Variants in TPCN1 observed in about 807,000 individuals in gnomAD.
TPCN1 encodes the protein two pore channel protein 1.
TPCN1 carries 52 observed loss-of-function variants against 108.8 expected under a neutral mutation model. The ratio of observed to expected loss-of-function variants is 0.48; its 90% CI spans 0.38 to 0.60. The LOEUF is 0.60. TPCN1 is among the 20% of genes least tolerant of loss of function. TPCN1 has a pLI of 0.00. For missense variants in TPCN1, 806 were observed against 1,072.8 expected (o/e 0.75, Z 3.47); for synonymous variants, 446 against 433.7 (o/e 1.03, Z -0.35).
intron 2 of TPCN1, among the ~76,000 whole-genome samples, chr12:113,248,322 A>G (rs555567735): frequency 1.3e-5 from 2 of 152,338 alleles, no homozygotes; most frequent in East Asian, 1.9e-4. Context: ...CCACTTACAC[A>G]TTGTGTACAA....
intron 2 of TPCN1, among the ~76,000 whole-genome samples, chr12:113,228,019 AT>A (rs1349061934): frequency 1.3e-5 from 2 of 151,940 alleles, no homozygotes; most frequent in African/African-American, 4.8e-5. Flanking sequence ...CATAAACTTG[AT>A]TTTTCCCCAA....
chr12:113,295,460 A>AAAT, intron 27 of TPCN1, among the ~76,000 whole-genome samples: 1 of 151,902 alleles, frequency 6.6e-6, no homozygotes, highest in East Asian at 1.9e-4. Context: ...AAAAAAAAAA[A>AAAT]AAAGGAAATG....
At chr12:113,243,946 A>C (rs1954247379) in intron 2 of TPCN1, among the ~76,000 whole-genome samples, 1 of 151,892 alleles carries the variant, frequency 6.6e-6, no homozygotes, top group Non-Finnish European at 1.5e-5. Flanking sequence ...CCCTGCCTAC[A>C]TTCTCCTCTG....
chr12:113,278,446 G>A lies in TPCN1; in HGVS notation c.1233+209G>A, dbSNP rs140269409. 7.2e-5 allele frequency among the ~76,000 whole-genome samples: 11 copies of A among 152,298 alleles called. No individual in the cohort carries two copies. In the East Asian group the frequency reaches 1.7e-3, roughly 24 times the overall value. ...ATACAGTGTCATCGTTAACAGCACC[G>A]AATCTTACTTAGACCCCATTGGTTA... On this transcript the variant is annotated intron_variant, in intron 13 of 27. Transcript: ENST00000335509.
Position 113,293,024 on chromosome 12 carries a change from C to T in TPCN1, c.2204C>T (p.Ser735Leu), listed in dbSNP as rs758186822. ...ELYREARGAS[S>L]DVTRLLETLS... is the part of the protein sequence containing the mutation. ...TACCGGGAGGCACGGGGGGCCTCCT[C>T]GGATGTCACCAGGCTGCTGGAGACC... is the stretch of plus-strand genomic sequence containing the variant. The change falls in exon 26 of 28, where the codon TCG (serine) becomes TTG (leucine). Residue 735 changes from serine (S) to leucine (L), a missense_variant. Physicochemically the swap from Ser to Leu is moderately radical, Grantham distance 145. Transcript: ENST00000335509. 27 of 1,613,100 alleles carry T rather than the reference C, an allele frequency of 1.7e-5. No homozygotes were observed. The highest frequency in any genetic ancestry group is 5.0e-5 in the Admixed American group (3 of 59,990).
chr12:113,284,894 A>G lies in TPCN1; in HGVS notation c.1453+123A>G. ...GAAGCTATAAAGAGACGGAGTAATC[A>G]GTCTGATTCCATCTCGTCCCCGTTT... is the stretch of plus-strand genomic sequence containing the variant. On this transcript the variant is annotated intron_variant, in intron 17 of 27. Coordinates refer to ENST00000335509, the MANE Select transcript of TPCN1 (RefSeq NM_017901.6). The surrounding 1 kb of genome is among the most constrained non-coding windows in gnomAD (Gnocchi z 4.1). 9.1e-7 allele frequency: 1 copy of G among 1,104,722 alleles called. No individual in the cohort carries two copies. The highest frequency in any genetic ancestry group is 1.4e-6 in the Non-Finnish European group (1 of 735,812). 68.4% of individuals were successfully genotyped at this position (1,104,722 alleles called of 1,614,324 possible). A position where few individuals can be genotyped will look rare whatever the true frequency, so the allele number is the denominator to read the frequency against.
At position 113,240,116 on chromosome 12, in the gene TPCN1, G is replaced by A. The variant is rs780777803; in HGVS notation, c.112+13152G>A. Among the ~76,000 whole-genome samples, 7 of 152,232 alleles carry A rather than the reference G, an allele frequency of 4.6e-5. No individual in the cohort carries two copies. In the Middle Eastern group the frequency reaches 0.01, roughly 222 times the overall value. ...ATTGCAGTTTTTACTGCACAGCCTCGAGCCAGTCTGGTAGCTTCAACAGGG... is the reference window on the plus strand; with the variant it reads ...ATTGCAGTTTTTACTGCACAGCCTCAAGCCAGTCTGGTAGCTTCAACAGGG... On this transcript the variant is annotated intron_variant, in intron 2 of 27. Transcript: ENST00000335509.
chr12:113,273,803 C>G lies in TPCN1; in HGVS notation c.942+135C>G. 3.8e-6 allele frequency: 3 copies of G among 798,572 alleles called. No homozygotes were observed. Among genetic ancestry groups the G allele is most frequent in the Non-Finnish European group, 2.2e-6 (1 of 460,394 alleles). 49.5% of individuals were successfully genotyped at this position (798,572 alleles called of 1,614,324 possible). A position where few individuals can be genotyped will look rare whatever the true frequency, so the allele number is the denominator to read the frequency against. ...ACGTTGGGGCAGGAAGTCCCAGATTCATAGTCAGGTGCGGTGTTGCAGGGA... is the reference window on the plus strand; with the variant it reads ...ACGTTGGGGCAGGAAGTCCCAGATTGATAGTCAGGTGCGGTGTTGCAGGGA... On this transcript the variant is annotated intron_variant, in intron 10 of 27. Coordinates refer to ENST00000335509, the MANE Select transcript of TPCN1 (RefSeq NM_017901.6). The surrounding 1 kb of genome is among the most constrained non-coding windows in gnomAD (Gnocchi z 4.0).
chr12:113,239,102 C>T (rs574554376), intron 2 of TPCN1, among the ~76,000 whole-genome samples: 12 of 152,110 alleles, frequency 7.9e-5, no homozygotes, highest in Non-Finnish European at 1.8e-4. Context: ...CTACTGCACT[C>T]GAGCCTGGGC....
chr12:113,239,545 C>T (rs528050208), intron 2 of TPCN1, among the ~76,000 whole-genome samples: 4 of 152,302 alleles, frequency 2.6e-5, no homozygotes, highest in South Asian at 2.1e-4. Flanking sequence ...AGTGAGTCAC[C>T]GGTTTCCAAA....
chr12:113,293,060 T>TGGA lies in TPCN1; in HGVS notation c.2242_2244dup (p.Glu748dup). Reference sequence around the variant, plus strand: ...AGGCTGCTGGAGACCCTCTCCCAGATGGAGAGATACCAGGTGAGGAGCCCA... The same window carrying TGGA: ...AGGCTGCTGGAGACCCTCTCCCAGATGGAGGAGAGATACCAGGTGAGGAGCCCA... On this transcript the variant is annotated inframe_insertion, in exon 26 of 28. Coordinates refer to ENST00000335509, the MANE Select transcript of TPCN1 (RefSeq NM_017901.6). 6.2e-7 allele frequency: 1 copy of TGGA among 1,612,284 alleles called. No homozygotes were observed. Among genetic ancestry groups the TGGA allele is most frequent in the South Asian group, 1.1e-5 (1 of 90,998 alleles).
chr12:113,290,058 C>G, intron 21 of TPCN1, 70 bp from the exon 22 acceptor site: 1 of 1,026,878 alleles, frequency 9.7e-7, no homozygotes, highest in Admixed American at 2.1e-5. Context: ...TTGTTTCAGA[C>G]TTCTGTCCTC....
chr12:113,279,377 A>ATT (rs1566189398), intron 14 of TPCN1, among the ~76,000 whole-genome samples: 1 of 29,426 alleles, frequency 3.4e-5, no homozygotes, highest in Non-Finnish European at 5.8e-5. Flanking sequence ...ATATATATAT[A>ATT]TATATATATA....
chr12:113,292,276 C>T (rs938600426), intron 25 of TPCN1: 1 of 355,022 alleles, frequency 2.8e-6, no homozygotes. Flanking sequence ...GAGGCTTCTC[C>T]TTCTTGGCTA....
intron 1 of TPCN1, chr12:113,225,371 T>A (rs1456137860): frequency 2.7e-6 from 1 of 368,358 alleles, no homozygotes; most frequent in Non-Finnish European, 5.4e-6. Context: ...TTTTTTTCTT[T>A]GAAGTCTTTA....
intron 2 of TPCN1, among the ~76,000 whole-genome samples, chr12:113,229,072 G>A (rs1001533710): frequency 3.3e-5 from 5 of 152,328 alleles, no homozygotes; most frequent in African/African-American, 7.2e-5. Flanking sequence ...ATCAGGCTTT[G>A]AATGTTGATG....
intron 15 of TPCN1, among the ~76,000 whole-genome samples, chr12:113,281,635 C>T (rs1056375794): frequency 6.6e-6 from 1 of 152,118 alleles, no homozygotes; most frequent in African/African-American, 2.4e-5. Flanking sequence ...ACCTCCCAGG[C>T]TCAATCCATC....
At position 113,284,482 on chromosome 12, in the gene TPCN1, G is replaced by A. The variant is rs1024579745; in HGVS notation, c.1343-99G>A. ...GGAGCAGCCCTGTTCTCCCCATCCC[G>A]TAGAGCTCCAGGAAGTTAACCAGGG... On this transcript the variant is annotated intron_variant, in intron 15 of 27. Coordinates refer to ENST00000335509, the MANE Select transcript of TPCN1 (RefSeq NM_017901.6). This position sits in a 1 kb window ranked among gnomAD's most constrained non-coding sequence, Gnocchi z 4.1. 42 of 1,376,480 alleles carry A rather than the reference G, an allele frequency of 3.1e-5. No individual in the cohort carries two copies. In the African/African-American group the frequency reaches 4.0e-4, roughly 13 times the overall value. 85.3% of individuals were successfully genotyped at this position (1,376,480 alleles called of 1,614,324 possible).
Position 113,288,583 on chromosome 12 carries a change from G to C in TPCN1, c.1707-175G>C. The C allele has an allele frequency of 6.8e-7, 1 of 1,473,496 alleles. No homozygotes were observed. Among genetic ancestry groups the C allele is most frequent in the Non-Finnish European group, 9.0e-7 (1 of 1,115,032 alleles). 91.3% of individuals were successfully genotyped at this position (1,473,496 alleles called of 1,614,324 possible). A position where few individuals can be genotyped will look rare whatever the true frequency, so the allele number is the denominator to read the frequency against. ...TGTTCATAGCGTCCTGACTTGAGCT[G>C]TTTTTCACCCCAGAGCTGCCCCACG... On this transcript the variant is annotated intron_variant, in intron 20 of 27. Transcript: ENST00000335509. The surrounding 1 kb of genome is among the most constrained non-coding windows in gnomAD (Gnocchi z 4.8).
Sources: gnomAD v4.1 joint callset for allele counts (sites outside exome capture counted in the v4.1 genomes callset) on GRCh38, gnomAD v4.1.1 for gene constraint, Gnocchi (gnomAD v3.1) non-coding constraint, MANE v1.5 for transcripts, NCBI Gene and HGNC (gene_info 2026-07-23, HGNC 2026-07-21) for gene names.